Variants in ARFGEF2 observed in about 807,000 individuals in gnomAD.
ARFGEF2 encodes ARF guanine nucleotide exchange factor 2, also known as brefeldin A-inhibited guanine nucleotide-exchange protein 2.
A neutral mutation model predicts 219.9 loss-of-function variants in ARFGEF2; 74 were observed. The ratio of observed to expected loss-of-function variants is 0.34; its 90% confidence interval spans 0.28 to 0.41. The LOEUF is 0.41. Ranked by LOEUF, ARFGEF2 falls within the 10% of genes least tolerant of loss-of-function variation. The probability of loss-of-function intolerance (pLI) is 1.00; values close to 1 mark genes in which losing one functional copy is unlikely to be tolerated. For synonymous variants in ARFGEF2, 733 were observed against 799.2 expected, an observed-to-expected ratio of 0.92 and a Z score of 1.40; for missense variants, 1,743 against 2,218.3, an observed-to-expected ratio of 0.79 and a Z score of 4.30.
chr20:48,936,301 A>AC (rs1194344187), intron 1 of ARFGEF2, among the ~76,000 whole-genome samples: 35 of 86,760 alleles, frequency 4.0e-4, no homozygotes, highest in South Asian at 1.2e-3. Context: ...CGGGGGGCTG[A>AC]CCCCCCCCAC....
intron 26 of ARFGEF2, among the ~76,000 whole-genome samples, chr20:49,008,681 T>C (rs2091477877): frequency 6.6e-6 from 1 of 151,318 alleles, no homozygotes; most frequent in African/African-American, 2.4e-5. Flanking sequence ...TATCTCTCCA[T>C]ATGAAATACC....
intron 25 of ARFGEF2, chr20:48,999,151 T>G (rs931369158): frequency 7.9e-6 from 3 of 380,388 alleles, no homozygotes. Context: ...GGCAGGAGAA[T>G]TGCTTGAACC....
chr20:48,981,756 C>T (rs530877960), intron 14 of ARFGEF2, among the ~76,000 whole-genome samples: 9 of 152,284 alleles, frequency 5.9e-5, no homozygotes, highest in Middle Eastern at 3.4e-3. Context: ...GATACCCTTT[C>T]TTCCACTTGA....
At chr20:49,003,022 C>G (rs1282673129) in intron 25 of ARFGEF2, among the ~76,000 whole-genome samples, 2 of 139,934 alleles carry the variant, frequency 1.4e-5, no homozygotes, top group African/African-American at 5.4e-5. Context: ...GGCTGGAGTG[C>G]AGTGGCACCA....
intron 1 of ARFGEF2, among the ~76,000 whole-genome samples, chr20:48,926,603 G>A (rs573708307): frequency 6.6e-6 from 1 of 152,052 alleles, no homozygotes; most frequent in Non-Finnish European, 1.5e-5. Flanking sequence ...GGACTACAGG[G>A]GCGTACCACC....
intron 26 of ARFGEF2, among the ~76,000 whole-genome samples, chr20:49,009,007 T>C (rs6095394): frequency 0.7 from 105,847 of 152,178 alleles, 38,191 homozygotes; most frequent in African/African-American, 0.91. Context: ...CATGCACAGG[T>C]AAATTTTTTT....
chr20:49,002,842 C>T (rs1057369966), intron 25 of ARFGEF2, among the ~76,000 whole-genome samples: 2 of 151,738 alleles, frequency 1.3e-5, no homozygotes, highest in East Asian at 1.9e-4. Context: ...GACACAGTTT[C>T]ACCACATTGG....
Position 49,010,213 on chromosome 20 carries a change from C to A in ARFGEF2, c.3585-19C>A. ...TTCTCCAAAGTACAGACGATATGGC[C>A]GTCCCATTCTTTCCTCAGGTCTCCC... On this transcript the variant is annotated intron_variant, in intron 26 of 38. Transcript: ENST00000371917. 1.2e-6 allele frequency: 2 copies of A among 1,610,404 alleles called. No homozygotes were observed. Among genetic ancestry groups the A allele is most frequent in the South Asian group, 1.1e-5 (1 of 90,900 alleles).
intron 1 of ARFGEF2, among the ~76,000 whole-genome samples, chr20:48,939,728 A>C: frequency 6.6e-6 from 1 of 152,234 alleles, no homozygotes; most frequent in East Asian, 1.9e-4. Context: ...TATGTGTGTA[A>C]TAAGATATAC....
Position 48,989,386 on chromosome 20 carries a change from G to T in ARFGEF2, c.2635G>T (p.Ala879Ser). 1 of 1,614,208 alleles carries T rather than the reference G, an allele frequency of 6.2e-7. No individual in the cohort carries two copies. The highest frequency in any genetic ancestry group is 1.1e-5 in the South Asian group (1 of 91,082). Residue 879 changes from alanine (A) to serine (S), a missense_variant, in exon 19 of 39, where the codon GCC becomes TCC. This residue lies in a region of ARFGEF2 where 666 missense variants were observed against 955.4 expected (regional missense o/e 0.70). Coordinates refer to ENST00000371917, the MANE Select transcript of ARFGEF2 (RefSeq NM_006420.3). ...ALMEAVSHAK[A>S]PFTSATHLDH... ...GATGGAGGCTGTGAGCCATGCCAAA[G>T]CCCCGTTTACCAGTGCCACTCACCT...
chr20:48,927,644 C>T (rs1347627810), intron 1 of ARFGEF2, among the ~76,000 whole-genome samples: 6 of 151,008 alleles, frequency 4.0e-5, no homozygotes, highest in East Asian at 1.9e-4. Context: ...GCCAAGATGG[C>T]GCCACTGCAC....
chr20:48,965,265 G>A (rs1428606425), intron 7 of ARFGEF2, among the ~76,000 whole-genome samples: 1 of 152,140 alleles, frequency 6.6e-6, no homozygotes, highest in African/African-American at 2.4e-5. Flanking sequence ...AATATGCTTT[G>A]TAGGGCTATT....
At position 48,982,218 on chromosome 20, in the gene ARFGEF2, C is replaced by T. The variant is rs376972027; in HGVS notation, c.1959-2511C>T. On this transcript the variant is annotated intron_variant, in intron 14 of 38. Coordinates refer to ENST00000371917, the MANE Select transcript of ARFGEF2 (RefSeq NM_006420.3). ...TGTTGCTATTCCTTTCTGTTTGTAG[C>T]TTTCCTTCTAACAGTCAGGTCCCTC... Among the ~76,000 whole-genome samples the T allele has an allele frequency of 4.5e-3, 688 of 152,284 alleles. 1 individual carries two copies. The highest frequency in any genetic ancestry group is 0.016 in the African/African-American group (653 of 41,544).
At chr20:49,025,668 G>A (rs189382719) in intron 36 of ARFGEF2, among the ~76,000 whole-genome samples, 187 bp downstream of exon 36, 1 of 152,170 alleles carries the variant, frequency 6.6e-6, no homozygotes, top group African/African-American at 2.4e-5. Context: ...TTCTCAGTAC[G>A]TATTTGATAA....
rs757576446 is a variant in ARFGEF2, at chr20:48,971,189, C to G, written c.1260C>G (p.Pro420=). The G allele has an allele frequency of 2.9e-5, 46 of 1,613,970 alleles. No individual in the cohort carries two copies. Among genetic ancestry groups the G allele is most frequent in the Non-Finnish European group, 3.8e-5 (45 of 1,180,050 alleles). Residue 420 remains proline (P), a synonymous_variant, in exon 10 of 39, where the codon CCC becomes CCG. Transcript: ENST00000371917. ...LLLSVLQNAG[P]VFRTHEMFIN... ...TCTCTGTGTTGCAAAATGCTGGCCC[C>G]GTATTCAGGACTCACGAGATGTTCA...
intron 22 of ARFGEF2, 97 bp downstream of exon 22, chr20:48,994,695 C>G: frequency 6.5e-7 from 1 of 1,538,466 alleles, no homozygotes; most frequent in African/African-American, 1.4e-5. Context: ...TAAACCGTCT[C>G]TTCCTTTTGT....
chr20:48,985,821 T>A (rs2091323632), intron 16 of ARFGEF2, among the ~76,000 whole-genome samples: 1 of 152,184 alleles, frequency 6.6e-6, no homozygotes, highest in African/African-American at 2.4e-5. Context: ...ACAAAAAGAT[T>A]GAGGACCAGA....
At position 48,924,658 on chromosome 20, in the gene ARFGEF2, TAGAG is replaced by T. The variant is rs528546936; in HGVS notation, c.121+2651_121+2654del. Among the ~76,000 whole-genome samples the T allele has an allele frequency of 9.9e-5, 15 of 152,276 alleles. No individual in the cohort carries two copies. The East Asian group carries it at 2.5e-3, about 25-fold the overall frequency. On this transcript the variant is annotated intron_variant, in intron 1 of 38. Transcript: ENST00000371917. ...GCTCAAAGTTGAAATGCTTGGATGA[TAGAG>T]AGCATTTACAGGAAACAGCTTCTGT...
intron 3 of ARFGEF2, among the ~76,000 whole-genome samples, chr20:48,946,491 A>G: frequency 6.7e-6 from 1 of 149,136 alleles, no homozygotes; most frequent in South Asian, 2.1e-4. Context: ...ATATATATAT[A>G]TATATTTTTA....
Sources: gnomAD v4.1 joint callset for allele counts (sites outside exome capture counted in the v4.1 genomes callset) on GRCh38, gnomAD v4.1.1 for gene constraint, gnomAD v4.1.1 regional missense constraint, MANE v1.5 for transcripts, NCBI Gene and HGNC (gene_info 2026-07-23, HGNC 2026-07-21) for gene names.